Variants in ANAPC10 observed in about 807,000 individuals in gnomAD.
ANAPC10 encodes the protein anaphase-promoting complex subunit 10.
ANAPC10 carries 12 observed loss-of-function variants against 22.0 expected under a neutral mutation model. That is an observed-to-expected ratio of 0.55 (90% CI 0.35 to 0.88). ANAPC10 has a LOEUF of 0.88. Among genes scored for constraint, ANAPC10 ranks in the 40% least tolerant of loss-of-function variants. The pLI is 0.01. For synonymous variants in ANAPC10, 65 were observed against 69.5 expected (o/e 0.94, Z 0.32); for missense variants, 188 against 220.9 (o/e 0.85, Z 0.94).
At chr4:145,049,215 T>A (rs1045749266) in intron 4 of ANAPC10, among the ~76,000 whole-genome samples, 2 of 152,226 alleles carry the variant, frequency 1.3e-5, no homozygotes, top group Non-Finnish European at 2.9e-5. Context: ...ACCTTAATGA[T>A]GACGGCTACT....
At chr4:145,027,808 G>C (rs1443328996) in intron 4 of ANAPC10, among the ~76,000 whole-genome samples, 1 of 152,174 alleles carries the variant, frequency 6.6e-6, no homozygotes, top group Non-Finnish European at 1.5e-5. Flanking sequence ...TTTCAGTCAT[G>C]CAAGGTTTCA....
chr4:145,050,638 C>T (rs1185479256), intron 4 of ANAPC10, among the ~76,000 whole-genome samples: 1 of 152,224 alleles, frequency 6.6e-6, no homozygotes, highest in East Asian at 1.9e-4. Context: ...GCCAGATCTT[C>T]TGGGTAACTT....
chr4:145,051,925 T>C (rs1226598097), intron 4 of ANAPC10, among the ~76,000 whole-genome samples: 2 of 152,166 alleles, frequency 1.3e-5, no homozygotes, highest in Non-Finnish European at 2.9e-5. Context: ...GGATTTCACA[T>C]AGTCTGATTA....
chr4:145,017,628 C>T (rs1321218094), intron 4 of ANAPC10, among the ~76,000 whole-genome samples: 3 of 151,944 alleles, frequency 2.0e-5, no homozygotes, highest in Non-Finnish European at 2.9e-5. Flanking sequence ...GGGTATATAC[C>T]CAAAGGAATA....
intron 3 of ANAPC10, among the ~76,000 whole-genome samples, chr4:145,076,060 T>C (rs1056098483): frequency 9.9e-5 from 15 of 152,190 alleles, no homozygotes; most frequent in African/African-American, 3.6e-4. Flanking sequence ...TACTGGGTGC[T>C]TCCCAGCAGC....
chr4:144,997,059 A>G (rs925233187), intron 4 of ANAPC10, among the ~76,000 whole-genome samples: 1 of 152,178 alleles, frequency 6.6e-6, no homozygotes, highest in African/African-American at 2.4e-5. Context: ...AAAGAAATGA[A>G]CAAAGCCTCC....
At chr4:145,090,873 CTTTT>C (rs1049153338) in intron 2 of ANAPC10, among the ~76,000 whole-genome samples, 1 of 152,156 alleles carries the variant, frequency 6.6e-6, no homozygotes. Context: ...AAGATTGTGT[CTTTT>C]TTGTCTTTCA....
intron 4 of ANAPC10, among the ~76,000 whole-genome samples, chr4:145,029,334 T>C (rs1236408646): frequency 6.6e-6 from 1 of 152,146 alleles, no homozygotes; most frequent in Non-Finnish European, 1.5e-5. Context: ...AAGAAAATGT[T>C]GATTCTCCTC....
intron 2 of ANAPC10, among the ~76,000 whole-genome samples, chr4:145,095,026 T>G (rs1047317856): frequency 6.6e-6 from 1 of 151,868 alleles, no homozygotes; most frequent in Non-Finnish European, 1.5e-5. Context: ...ATAGTAGAGA[T>G]AGAGGAGGAA....
At chr4:145,082,989 T>A (rs1226745833) in intron 2 of ANAPC10, among the ~76,000 whole-genome samples, 1 of 152,124 alleles carries the variant, frequency 6.6e-6, no homozygotes, top group Non-Finnish European at 1.5e-5. Flanking sequence ...ACAGATACTA[T>A]ATGCATATAC....
chr4:145,039,462 G>T (rs1739163309), intron 4 of ANAPC10, among the ~76,000 whole-genome samples: 1 of 152,148 alleles, frequency 6.6e-6, no homozygotes, highest in East Asian at 1.9e-4. Flanking sequence ...TCTTGCTTTA[G>T]ATTTTTCCTT....
At chr4:144,999,844 C>T (rs1484868771) in intron 4 of ANAPC10, among the ~76,000 whole-genome samples, 1 of 152,098 alleles carries the variant, frequency 6.6e-6, no homozygotes, top group African/African-American at 2.4e-5. Context: ...GGTACTGATA[C>T]CAAAACAGAG....
At chr4:145,066,289 T>C (rs1018115477) in intron 3 of ANAPC10, among the ~76,000 whole-genome samples, 2 of 152,096 alleles carry the variant, frequency 1.3e-5, no homozygotes, top group African/African-American at 2.4e-5. Flanking sequence ...AAGACCATTA[T>C]TAGGTTTTTA....
chr4:145,097,036 C>A (rs33963546), intron 1 of ANAPC10, among the ~76,000 whole-genome samples: 1 of 152,078 alleles, frequency 6.6e-6, no homozygotes. Flanking sequence ...TGGTGAAACC[C>A]TGTCTCTAAA....
intron 3 of ANAPC10, among the ~76,000 whole-genome samples, chr4:145,080,218 TGAGG>T (rs1311203731): frequency 6.8e-6 from 1 of 147,360 alleles, no homozygotes; most frequent in Admixed American, 6.8e-5. Context: ...AGGAAGAAGG[TGAGG>T]ACCCAAAAAC....
At chr4:145,014,540 G>A (rs1734816515) in intron 4 of ANAPC10, among the ~76,000 whole-genome samples, 1 of 151,936 alleles carries the variant, frequency 6.6e-6, no homozygotes. Context: ...ACTCTCTTGG[G>A]AGTTCTAGGC....
At chr4:145,016,959 C>G (rs1735265189) in intron 4 of ANAPC10, among the ~76,000 whole-genome samples, 1 of 152,152 alleles carries the variant, frequency 6.6e-6, no homozygotes, top group Admixed American at 6.5e-5. Context: ...ACACCTTACA[C>G]AAAAATTAAT....
At chr4:145,080,907 C>CA (rs58188670) in intron 3 of ANAPC10, among the ~76,000 whole-genome samples, 551 of 38,434 alleles carry the variant, frequency 0.014, 3 homozygotes, top group South Asian at 0.02. Flanking sequence ...AACTCCATCT[C>CA]AAAAAAAAAA....
chr4:145,041,723 T>C lies in ANAPC10; in HGVS notation c.327+22849A>G, dbSNP rs547619821. On this transcript the variant is annotated intron_variant, in intron 4 of 4. Coordinates refer to ENST00000507656, the MANE Select transcript of ANAPC10 (RefSeq NM_001256706.2). ...AGGAGCAAGAATCATTCATTGACTA[T>C]TGGATCTATTGACTAAAATTTAATA... Among the ~76,000 whole-genome samples the C allele has an allele frequency of 2.0e-4, 31 of 152,330 alleles. No homozygotes were observed. The East Asian group carries it at 5.0e-3, about 25-fold the overall frequency.
Sources: allele counts gnomAD v4.1 joint callset (sites outside exome capture counted in the v4.1 genomes callset), GRCh38; gene constraint gnomAD v4.1.1; transcripts MANE v1.5; gene names NCBI Gene and HGNC (gene_info 2026-07-23, HGNC 2026-07-21).